DAB1: variants seen among roughly 807,000 people sequenced by gnomAD.
DAB1 encodes DAB adaptor protein 1, also known as disabled homolog 1.
DAB1 carries 15 observed loss-of-function variants against 64.6 expected under a neutral mutation model. The ratio of observed to expected loss-of-function variants is 0.23; its 90% CI spans 0.16 to 0.36. The LOEUF (loss-of-function observed/expected upper bound fraction) is 0.36. Among genes scored for constraint, DAB1 ranks in the 10% least tolerant of loss-of-function variants. The pLI is 1.00. For missense variants in DAB1, 596 were observed against 706.7 expected (o/e 0.84, Z 1.78); for synonymous variants, 235 against 251.9 (o/e 0.93, Z 0.64).
chr1:57,883,660 T>C (rs1644179428), intron 1 of DAB1, among the ~76,000 whole-genome samples: 1 of 152,256 alleles, frequency 6.6e-6, no homozygotes, highest in Non-Finnish European at 1.5e-5. Context: ...TTTCTGTTTC[T>C]GTGAACATTT....
At chr1:57,422,029 G>A (rs1249462302) in intron 1 of DAB1, among the ~76,000 whole-genome samples, 1 of 151,836 alleles carries the variant, frequency 6.6e-6, no homozygotes, top group Non-Finnish European at 1.5e-5. Context: ...AAAACAATGG[G>A]TGCTAATTCA....
At chr1:57,689,309 G>A (rs1646736441) in intron 6 of DAB1, among the ~76,000 whole-genome samples, 1 of 152,148 alleles carries the variant, frequency 6.6e-6, no homozygotes, top group African/African-American at 2.4e-5. Context: ...ATTGGCTCAG[G>A]TGCCCAGGCC....
In DAB1 at chr1:57,619,632, G is replaced by A. The variant is rs150388719; in HGVS notation, n.625+29960C>T. Among the ~76,000 whole-genome samples the A allele has an allele frequency of 7.9e-3, 1,205 of 152,134 alleles. 18 individuals are homozygous for A. The highest frequency in any genetic ancestry group is 0.027 in the African/African-American group (1,113 of 41,502). On this transcript the variant is annotated intron_variant and non_coding_transcript_variant, in intron 7 of 20. Coordinates refer to the DAB1 transcript ENST00000485760. The stretch of plus-strand genomic sequence containing the variant: ...TGCCAGGCTGGTCTTGAACTCCTGG[G>A]CTCAAGTGTTTCTCCCCGCTTGGCC...
intron 5 of DAB1, among the ~76,000 whole-genome samples, chr1:57,957,309 G>A (rs1645415522): frequency 6.6e-6 from 1 of 152,174 alleles, no homozygotes; most frequent in Non-Finnish European, 1.5e-5. Context: ...GTGGATATCA[G>A]GTGTGAGAAA....
chr1:57,833,026 ACAAC>A (rs2101906342), intron 1 of DAB1, among the ~76,000 whole-genome samples: 1 of 151,340 alleles, frequency 6.6e-6, no homozygotes, highest in Non-Finnish European at 1.5e-5. Context: ...TAATGGTGGG[ACAAC>A]AAGGAAATAA....
intron 6 of DAB1, among the ~76,000 whole-genome samples, chr1:57,671,550 A>G (rs1343244894): frequency 6.6e-6 from 1 of 152,134 alleles, no homozygotes; most frequent in Non-Finnish European, 1.5e-5. Context: ...GAACTCCTTC[A>G]TGTGACCTTT....
intron 3 of DAB1, among the ~76,000 whole-genome samples, chr1:58,431,100 A>G (rs1644865753): frequency 6.6e-6 from 1 of 152,006 alleles, no homozygotes; most frequent in Non-Finnish European, 1.5e-5. Flanking sequence ...GGATTTGGGA[A>G]CTCCAACATC....
intron 7 of DAB1, among the ~76,000 whole-genome samples, chr1:57,571,362 C>T (rs1197610453): frequency 6.6e-6 from 1 of 152,174 alleles, no homozygotes; most frequent in African/African-American, 2.4e-5. Flanking sequence ...CCTTTAGTGT[C>T]ATCCTTACCA....
chr1:58,062,175 G>T (rs1365395685), intron 5 of DAB1, among the ~76,000 whole-genome samples: 5 of 152,138 alleles, frequency 3.3e-5, no homozygotes, highest in African/African-American at 1.2e-4. Flanking sequence ...CTCGCAGTTT[G>T]TCTTATGTAG....
At chr1:57,975,794 C>T (rs1241145880) in intron 5 of DAB1, among the ~76,000 whole-genome samples, 1 of 152,174 alleles carries the variant, frequency 6.6e-6, no homozygotes, top group Non-Finnish European at 1.5e-5. Flanking sequence ...GATGAATTCA[C>T]TTTGCTGGCT....
chr1:57,967,991 C>T (rs143500487), intron 5 of DAB1, among the ~76,000 whole-genome samples: 10 of 152,244 alleles, frequency 6.6e-5, no homozygotes, highest in African/African-American at 1.4e-4. Context: ...GAAAACATAG[C>T]GCCGAACATG....
chr1:57,813,653 G>A (rs1222926844), intron 6 of DAB1, among the ~76,000 whole-genome samples: 1 of 152,180 alleles, frequency 6.6e-6, no homozygotes, highest in Non-Finnish European at 1.5e-5. Context: ...TGCTGTGTAG[G>A]AGCTGTTAGA....
At chr1:57,511,881 C>T (rs1553189265) in intron 7 of DAB1, among the ~76,000 whole-genome samples, 1 of 152,174 alleles carries the variant, frequency 6.6e-6, no homozygotes, top group Non-Finnish European at 1.5e-5. Flanking sequence ...TTGCTATACC[C>T]CAGAAATTGG....
At chr1:57,899,055 A>C (rs1299197400) in intron 5 of DAB1, among the ~76,000 whole-genome samples, 1 of 151,924 alleles carries the variant, frequency 6.6e-6, no homozygotes, top group African/African-American at 2.4e-5. Context: ...TTACTTTATA[A>C]TTTTAGTTCA....
intron 1 of DAB1, among the ~76,000 whole-genome samples, chr1:57,399,220 G>A (rs571805153): frequency 1.3e-5 from 2 of 151,962 alleles, no homozygotes; most frequent in Non-Finnish European, 2.9e-5. Flanking sequence ...TTTTTTCTTT[G>A]TGGAAGGTGA....
intron 5 of DAB1, among the ~76,000 whole-genome samples, chr1:57,899,796 T>C (rs1447453696): frequency 2.6e-5 from 4 of 152,126 alleles, no homozygotes; most frequent in African/African-American, 9.7e-5. Flanking sequence ...GGCTCTCGCA[T>C]TGGACTAGAG....
intron 7 of DAB1, among the ~76,000 whole-genome samples, chr1:57,640,133 T>C (rs1258546768): frequency 6.6e-6 from 1 of 152,206 alleles, no homozygotes; most frequent in Non-Finnish European, 1.5e-5. Context: ...GTTTGCTCTC[T>C]GTGTCATTTG....
chr1:58,151,152 T>C (rs1001325957), intron 4 of DAB1, among the ~76,000 whole-genome samples: 38 of 152,346 alleles, frequency 2.5e-4, no homozygotes, highest in African/African-American at 8.2e-4. Context: ...GCAATAAACA[T>C]ATGTGTGCAT....
At chr1:57,222,865 T>A (rs1446284643) in intron 2 of DAB1, among the ~76,000 whole-genome samples, 3 of 152,210 alleles carry the variant, frequency 2.0e-5, no homozygotes, top group Non-Finnish European at 4.4e-5. Context: ...TATATCCAGT[T>A]TAACTTTTCT....
Sources: gnomAD v4.1 joint callset for allele counts (sites outside exome capture counted in the v4.1 genomes callset) on GRCh38, gnomAD v4.1.1 for gene constraint, MANE v1.5 for transcripts, NCBI Gene and HGNC (gene_info 2026-07-23, HGNC 2026-07-21) for gene names.